PTPRQ: variants seen among roughly 807,000 people sequenced by gnomAD.
PTPRQ encodes phosphatidylinositol phosphatase PTPRQ.
Under a neutral mutation model 246.0 loss-of-function variants are expected in PTPRQ, and 199 were observed. The observed-to-expected ratio is 0.81, with a 90% CI of 0.72 to 0.91. PTPRQ has a LOEUF of 0.91. Ranked by LOEUF, PTPRQ falls within the 40% of genes least tolerant of loss-of-function variation. The pLI is 0.00. For synonymous variants in PTPRQ, 869 were observed against 853.2 expected (o/e 1.02, Z -0.32); for missense variants, 2,624 against 2,528.4 (o/e 1.04, Z -0.81).
intron 39 of PTPRQ, among the ~76,000 whole-genome samples, chr12:80,666,114 C>T (rs903769868): frequency 9.9e-5 from 15 of 152,094 alleles, no homozygotes; most frequent in Admixed American, 6.6e-4. Context: ...TCTATGCTTA[C>T]GCAGTAAGTG....
At chr12:80,456,525 G>A (rs1892987299) in intron 3 of PTPRQ, among the ~76,000 whole-genome samples, 1 of 152,100 alleles carries the variant, frequency 6.6e-6, no homozygotes, top group African/African-American at 2.4e-5. Context: ...AATTTTTAAT[G>A]TGCTGTAAGA....
chr12:80,514,171 A>G (rs528792415), intron 17 of PTPRQ, among the ~76,000 whole-genome samples: 23 of 151,904 alleles, frequency 1.5e-4, no homozygotes, highest in East Asian at 3.9e-4. Flanking sequence ...TCGTAGTGCA[A>G]AATTTTTCCT....
intron 21 of PTPRQ, 40 bp downstream of exon 21, chr12:80,541,885 G>T (rs1896165327): frequency 6.7e-7 from 1 of 1,484,050 alleles, no homozygotes; most frequent in Non-Finnish European, 8.9e-7. Flanking sequence ...GCAGATTGTT[G>T]TTCTTTTCAT....
Position 80,541,752 on chromosome 12 carries a change from T to G in PTPRQ, c.3352T>G (p.Tyr1118Asp). The G allele has an allele frequency of 6.4e-7, 1 of 1,551,164 alleles. No homozygotes were observed. The highest frequency in any genetic ancestry group is 8.7e-7 in the Non-Finnish European group (1 of 1,146,632). The change falls in exon 21 of 45, where the codon TAC becomes GAC. Residue 1118 changes from tyrosine (Y) to aspartate (D), a missense_variant. Physicochemically the swap from Tyr to Asp is radical, Grantham distance 160. Coordinates refer to ENST00000644991, the MANE Select transcript of PTPRQ (RefSeq NM_001145026.2). ...CATATATTTTGATAATCTGGAAAAATACACTGATTATATATTAAAAATTAC... is the reference window on the plus strand; with the variant it reads ...CATATATTTTGATAATCTGGAAAAAGACACTGATTATATATTAAAAATTAC... Reference protein sequence around the residue: ...RSIYFDNLEKYTDYILKITPS... With the variant: ...RSIYFDNLEKDTDYILKITPS...
At chr12:80,655,011 A>T (rs546368962) in intron 38 of PTPRQ, among the ~76,000 whole-genome samples, 1 of 152,256 alleles carries the variant, frequency 6.6e-6, no homozygotes, top group East Asian at 1.9e-4. Context: ...CTTTTCAATC[A>T]TTTATTAAGA....
chr12:80,666,214 G>T (rs553158277), intron 39 of PTPRQ, among the ~76,000 whole-genome samples: 17 of 151,746 alleles, frequency 1.1e-4, no homozygotes, highest in African/African-American at 4.1e-4. Flanking sequence ...CTGTATATAC[G>T]CAATGGAATA....
At chr12:80,664,137 C>T (rs556265319) in intron 39 of PTPRQ, among the ~76,000 whole-genome samples, 5 of 151,986 alleles carry the variant, frequency 3.3e-5, no homozygotes, top group South Asian at 2.1e-4. Flanking sequence ...TTCATGATCA[C>T]GCCAAAATAT....
At chr12:80,472,379 T>C in intron 8 of PTPRQ, 128 bp downstream of exon 8, 1 of 1,285,998 alleles carries the variant, frequency 7.8e-7, no homozygotes, top group Non-Finnish European at 1.1e-6. Context: ...ATTAAATTAC[T>C]ACCTAATTCA....
chr12:80,603,839 G>T (rs1389060323), intron 26 of PTPRQ, among the ~76,000 whole-genome samples: 2 of 151,250 alleles, frequency 1.3e-5, no homozygotes, highest in African/African-American at 2.4e-5. Flanking sequence ...TCATCACTTT[G>T]CTCTCTCATT....
At chr12:80,488,466 C>T (rs970805829) in intron 9 of PTPRQ, among the ~76,000 whole-genome samples, 1 of 151,960 alleles carries the variant, frequency 6.6e-6, no homozygotes, top group African/African-American at 2.4e-5. Flanking sequence ...GTTTAAGTAA[C>T]CTAACTCTTC....
intron 19 of PTPRQ, among the ~76,000 whole-genome samples, chr12:80,538,889 A>C (rs921062248): frequency 5.9e-4 from 90 of 152,104 alleles, no homozygotes; most frequent in African/African-American, 2.1e-3. Context: ...GAAGGAAGAA[A>C]AGCTTTGAGA....
intron 8 of PTPRQ, among the ~76,000 whole-genome samples, chr12:80,476,439 T>C (rs1290667487): frequency 2.6e-5 from 4 of 152,160 alleles, no homozygotes; most frequent in African/African-American, 9.7e-5. Context: ...ATATGATCAA[T>C]GCTCAGTGTG....
At chr12:80,601,233 C>A (rs1010202147) in intron 26 of PTPRQ, among the ~76,000 whole-genome samples, 3 of 151,654 alleles carry the variant, frequency 2.0e-5, no homozygotes, top group Admixed American at 2.0e-4. Flanking sequence ...TTATATTTTT[C>A]TAATATATAT....
intron 38 of PTPRQ, among the ~76,000 whole-genome samples, chr12:80,655,337 G>A (rs944277405): frequency 6.6e-6 from 1 of 152,180 alleles, no homozygotes; most frequent in East Asian, 1.9e-4. Flanking sequence ...CATGTAAATC[G>A]CTTTGCCCAG....
At chr12:80,478,487 A>G (rs1263816043) in intron 8 of PTPRQ, among the ~76,000 whole-genome samples, 2 of 152,200 alleles carry the variant, frequency 1.3e-5, no homozygotes, top group Non-Finnish European at 1.5e-5. Flanking sequence ...CCTCCTCCAA[A>G]GGAATGCAGT....
chr12:80,490,286 A>G (rs1028126183), intron 9 of PTPRQ, among the ~76,000 whole-genome samples: 3 of 152,044 alleles, frequency 2.0e-5, no homozygotes, highest in African/African-American at 7.2e-5. Flanking sequence ...AGAATAAGTC[A>G]AACATTTCAT....
intron 37 of PTPRQ, among the ~76,000 whole-genome samples, chr12:80,652,468 T>C (rs1366715808): frequency 1.3e-5 from 2 of 152,030 alleles, no homozygotes; most frequent in African/African-American, 2.4e-5. Flanking sequence ...TGTAAAATGG[T>C]CACTAACATG....
At chr12:80,663,340 G>A (rs1038302025) in intron 39 of PTPRQ, among the ~76,000 whole-genome samples, 3 of 151,684 alleles carry the variant, frequency 2.0e-5, no homozygotes, top group African/African-American at 7.3e-5. Context: ...ATTACTCTGT[G>A]TGGAACCTAC....
At position 80,601,348 on chromosome 12, in the gene PTPRQ, A is replaced by G. The variant is rs76713662; in HGVS notation, c.4610-3711A>G. On this transcript the variant is annotated intron_variant, in intron 26 of 44. Transcript: ENST00000644991. ...AGTGCCTGGCATGCCATAGGTGTTCAGTAAACTGTTGCTAAATGAAAAGGG... is the reference window on the plus strand; with the variant it reads ...AGTGCCTGGCATGCCATAGGTGTTCGGTAAACTGTTGCTAAATGAAAAGGG... Among the ~76,000 whole-genome samples, 687 of 151,914 alleles carry G rather than the reference A, an allele frequency of 4.5e-3. 4 individuals carry two copies. The highest frequency in any genetic ancestry group is 0.015 in the African/African-American group (629 of 41,486).
Sources: allele counts gnomAD v4.1 joint callset (sites outside exome capture counted in the v4.1 genomes callset), GRCh38; gene constraint gnomAD v4.1.1; transcripts MANE v1.5; gene names NCBI Gene and HGNC (gene_info 2026-07-23, HGNC 2026-07-21).